Variants in LIPG observed in about 807,000 individuals in gnomAD.
The protein encoded by LIPG is endothelial lipase.
In LIPG, 34 loss-of-function variants were observed where a neutral mutation model predicts 51.8. That is an observed-to-expected ratio of 0.66 (90% CI 0.50 to 0.87). The LOEUF (loss-of-function observed/expected upper bound fraction) is 0.87. Among genes scored for constraint, LIPG ranks in the 40% least tolerant of loss-of-function variants. LIPG has a pLI of 0.00. For synonymous variants in LIPG, 246 were observed against 246.1 expected (o/e 1.00, Z 0.00); for missense variants, 580 against 652.7 (o/e 0.89, Z 1.21).
In LIPG at chr18:49,569,421, T is replaced by C. The variant is rs545887569; in HGVS notation, c.460-16T>C. The C allele has an allele frequency of 1.6e-4, 264 of 1,609,328 alleles. 5 individuals carry two copies. In the South Asian group the frequency reaches 2.7e-3, roughly 16 times the overall value. On this transcript the variant is annotated splice_polypyrimidine_tract_variant and intron_variant, in intron 3 of 9. Transcript: ENST00000261292. ...ACCCTGCTCTTCTGCTCACATACTT[T>C]GGTGACTTTCTATAGGAGAAGGACG...
chr18:49,565,173 G>T, intron 1 of LIPG, 144 bp from the exon 2 acceptor site: 14 of 730,256 alleles, frequency 1.9e-5, no homozygotes, highest in Non-Finnish European at 2.9e-5. Context: ...TTTTCTGGGA[G>T]GTGAAAAGGG....
At position 49,582,380 on chromosome 18, in the gene LIPG, A is replaced by G. The variant is rs2084829169; in HGVS notation, c.1055A>G (p.Lys352Arg). ...MPFRVYHYQM[K>R]IHVFSYKNMG... The stretch of plus-strand genomic sequence containing the variant: ...ACTGCAGTTTACCATTATCAGATGA[A>G]AATCCATGTCTTCAGTTACAAGAAC... The change falls in exon 7 of 10, where the codon AAA becomes AGA. Residue 352 changes from lysine to arginine, a missense_variant. Coordinates refer to ENST00000261292, the MANE Select transcript of LIPG (RefSeq NM_006033.4). 3 of 1,614,216 alleles carry G rather than the reference A, an allele frequency of 1.9e-6. No individual in the cohort carries two copies. The highest frequency in any genetic ancestry group is 3.3e-4 in the Middle Eastern group (2 of 6,062).
chr18:49,561,663 T>C (rs2084550717), upstream of LIPG: 5 of 1,236,590 alleles, frequency 4.0e-6, no homozygotes, highest in African/African-American at 1.6e-5. Context: ...CCAGAGAGAG[T>C]GTGGCTTTGA....
chr18:49,587,592 A>AG (rs1950528794), intron 9 of LIPG, among the ~76,000 whole-genome samples: 1 of 150,764 alleles, frequency 6.6e-6, no homozygotes, highest in African/African-American at 2.4e-5. Context: ...AAAAAAAAAA[A>AG]AAGAAGCTGA....
At chr18:49,577,624 G>T (rs868084293) in intron 5 of LIPG, among the ~76,000 whole-genome samples, 3 of 142,404 alleles carry the variant, frequency 2.1e-5, no homozygotes, top group South Asian at 2.3e-4. Context: ...CCTCCCGGAC[G>T]GGGCGGCTGG....
rs1385800090 is a variant in LIPG, at chr18:49,597,874, G to A, written c.*7352G>A. 6.6e-6 allele frequency: 1 copy of A among 152,246 alleles called. No homozygotes were observed. The highest frequency in any genetic ancestry group is 6.5e-5 in the Admixed American group (1 of 15,284). 9.4% of individuals were successfully genotyped at this position (152,246 alleles called of 1,614,324 possible). On this transcript the variant is annotated 3_prime_UTR_variant, in exon 10 of 10. Transcript: ENST00000261292. ...GAGGCAGGGTTATCTCACTGGAATG[G>A]AGAAGCTAAAATGACATTATCTTTA... is the stretch of plus-strand genomic sequence containing the variant.
chr18:49,562,138 C>T lies in LIPG; in HGVS notation c.-171C>T. 1 of 1,466,236 alleles carries T rather than the reference C, an allele frequency of 6.8e-7. No individual in the cohort carries two copies. The highest frequency in any genetic ancestry group is 9.0e-7 in the Non-Finnish European group (1 of 1,115,628). 90.8% of individuals were successfully genotyped at this position (1,466,236 alleles called of 1,614,324 possible). ...CAAGCCGTTGACACTCGCTCCCTGC[C>T]ACCGCCCGGGCTCCGTGCCGCCAAG... On this transcript the variant is annotated 5_prime_UTR_variant, in exon 1 of 10. Transcript: ENST00000261292.
intron 9 of LIPG, among the ~76,000 whole-genome samples, chr18:49,587,784 A>C (rs2084899152): frequency 8.1e-6 from 1 of 123,970 alleles, no homozygotes; most frequent in African/African-American, 3.1e-5. Context: ...CCATCTTTGA[A>C]GTATCTTTTT....
chr18:49,585,988 T>G (rs2084876000), intron 8 of LIPG, among the ~76,000 whole-genome samples: 1 of 152,210 alleles, frequency 6.6e-6, no homozygotes, highest in South Asian at 2.1e-4. Context: ...TAAGCTCTTC[T>G]GAATGGGGCT....
intron 2 of LIPG, 114 bp downstream of exon 2, chr18:49,565,612 T>C (rs1282650165): frequency 1.7e-6 from 2 of 1,193,630 alleles, no homozygotes; most frequent in Non-Finnish European, 2.4e-6. Context: ...CCCCCTTTCC[T>C]TGTGGGCTGC....
chr18:49,586,861 C>T lies in LIPG; in HGVS notation c.1481+11C>T, dbSNP rs1378692417. On this transcript the variant is annotated intron_variant, in intron 9 of 9. Transcript: ENST00000261292. ...GAAAAACGAAACCAGGTAACCAGGACTTTCTCACACGTTCCACCCAGGACA... is the reference window on the plus strand; with the variant it reads ...GAAAAACGAAACCAGGTAACCAGGATTTTCTCACACGTTCCACCCAGGACA... 8.8e-6 allele frequency: 14 copies of T among 1,591,228 alleles called. No homozygotes were observed. Among genetic ancestry groups the T allele is most frequent in the East Asian group, 2.2e-5 (1 of 44,796 alleles).
intron 4 of LIPG, among the ~76,000 whole-genome samples, chr18:49,571,196 C>T (rs1038761936): frequency 1.3e-5 from 2 of 152,176 alleles, no homozygotes; most frequent in African/African-American, 4.8e-5. Context: ...GGAAGCCACT[C>T]GGGTTCCATT....
At chr18:49,571,841 G>A (rs1254612610) in intron 4 of LIPG, among the ~76,000 whole-genome samples, 1 of 152,112 alleles carries the variant, frequency 6.6e-6, no homozygotes, top group Non-Finnish European at 1.5e-5. Flanking sequence ...TGTGGATGGG[G>A]GTTTGCTAGA....
chr18:49,566,001 T>G (rs2084602735), intron 2 of LIPG, among the ~76,000 whole-genome samples: 2 of 152,178 alleles, frequency 1.3e-5, no homozygotes, highest in Non-Finnish European at 2.9e-5. Context: ...CAATTCACAT[T>G]GAAAAGCCCA....
At chr18:49,576,722 C>T (rs1052963848) in intron 5 of LIPG, among the ~76,000 whole-genome samples, 4 of 151,964 alleles carry the variant, frequency 2.6e-5, no homozygotes, top group Middle Eastern at 3.2e-3. Context: ...CCATCTGCCT[C>T]GGCCTCCCAA....
In LIPG at chr18:49,577,592, G is replaced by A. The variant is rs1192627730; in HGVS notation, c.793+2002G>A. 5.8e-3 allele frequency among the ~76,000 whole-genome samples: 861 copies of A among 148,802 alleles called. 16 individuals carry two copies. The highest frequency in any genetic ancestry group is 0.021 in the African/African-American group (831 of 39,254). On this transcript the variant is annotated intron_variant, in intron 5 of 9. Transcript: ENST00000261292. The stretch of plus-strand genomic sequence containing the variant: ...GGGCTCCTCACTTCCCAGTAGGGGC[G>A]GCCGGGCAGAGGCACCCCTCACCTC...
intron 3 of LIPG, among the ~76,000 whole-genome samples, chr18:49,568,100 G>A (rs2148848123): frequency 6.6e-6 from 1 of 152,282 alleles, no homozygotes; most frequent in East Asian, 1.9e-4. Context: ...TGTGATCTTG[G>A]TTCACTGCAA....
upstream of LIPG, chr18:49,561,904 GCTTTCATTCAAA>G (rs931429496): frequency 2.3e-6 from 3 of 1,330,180 alleles, no homozygotes; most frequent in African/African-American, 4.5e-5. Context: ...AGTGTGCAGC[GCTTTCATTCAAA>G]CTTTCTCCAG....
At chr18:49,575,664 G>C in intron 5 of LIPG, 74 bp downstream of exon 5, 1 of 1,123,836 alleles carries the variant, frequency 8.9e-7, no homozygotes, top group Non-Finnish European at 1.3e-6. Context: ...AGAGCCTTTA[G>C]CACTGCAGGC....
Sources: gnomAD v4.1 joint callset for allele counts (sites outside exome capture counted in the v4.1 genomes callset) on GRCh38, gnomAD v4.1.1 for gene constraint, MANE v1.5 for transcripts, NCBI Gene and HGNC (gene_info 2026-07-23, HGNC 2026-07-21) for gene names.